PBRM1: variants seen among roughly 807,000 people sequenced by gnomAD.
The protein encoded by PBRM1 is polybromo 1.
In PBRM1, 27 loss-of-function variants were observed where a neutral mutation model predicts 194.5. That is an observed-to-expected ratio of 0.14 (90% CI 0.10 to 0.19). The LOEUF is 0.19. PBRM1 is among the 10% of genes least tolerant of loss of function. PBRM1 has a pLI of 1.00. For missense variants in PBRM1, 1,466 were observed against 2,077.2 expected, an observed-to-expected ratio of 0.71 and a Z score of 5.72; for synonymous variants, 655 against 693.2, an observed-to-expected ratio of 0.94 and a Z score of 0.87.
At chr3:52,551,787 T>C (rs2153396283) in intron 27 of PBRM1, 1 of 152,338 alleles carries the variant, frequency 6.6e-6, no homozygotes, top group Middle Eastern at 3.4e-3. Flanking sequence ...TCATAGTGTA[T>C]AGTCCCTTCG....
At chr3:52,652,810 C>G (rs1057293814) in intron 5 of PBRM1, among the ~76,000 whole-genome samples, 1 of 152,030 alleles carries the variant, frequency 6.6e-6, no homozygotes, top group Non-Finnish European at 1.5e-5. Flanking sequence ...CCAACCTGGC[C>G]AACATAGCGA....
intron 25 of PBRM1, among the ~76,000 whole-genome samples, chr3:52,559,128 T>A (rs2082854045): frequency 6.6e-6 from 1 of 152,192 alleles, no homozygotes; most frequent in Non-Finnish European, 1.5e-5. Context: ...GACAATGTAC[T>A]GAAAGAACCA....
At chr3:52,545,621 A>G (rs191534841), downstream of PBRM1, 576 of 233,124 alleles carry the variant, frequency 2.5e-3, 10 homozygotes, top group Non-Finnish European at 4.4e-4. Flanking sequence ...TTAAAAAAAA[A>G]ACAACAACCA....
At chr3:52,679,553 C>G in intron 1 of PBRM1, 21 bp downstream of exon 2, 1 of 1,604,794 alleles carries the variant, frequency 6.2e-7, no homozygotes, top group East Asian at 2.3e-5. Flanking sequence ...AGGCAGAAAC[C>G]ATGTAATCCA....
intron 26 of PBRM1, among the ~76,000 whole-genome samples, chr3:52,555,741 G>A (rs2082090748): frequency 6.6e-6 from 1 of 152,084 alleles, no homozygotes; most frequent in Non-Finnish European, 1.5e-5. Flanking sequence ...TGTGAACAGA[G>A]GCTTTTATTC....
Position 52,589,267 on chromosome 3 carries a change from A to C in PBRM1, c.2780-12T>G. 1 of 1,496,616 alleles carries C rather than the reference A, an allele frequency of 6.7e-7. No homozygotes were observed. Among genetic ancestry groups the C allele is most frequent in the Non-Finnish European group, 8.9e-7 (1 of 1,125,228 alleles). 92.7% of individuals were successfully genotyped at this position (1,496,616 alleles called of 1,614,324 possible). On this transcript the variant is annotated splice_polypyrimidine_tract_variant and intron_variant, in intron 17 of 29. Coordinates refer to ENST00000296302, the Ensembl canonical transcript of PBRM1. ...ACTCTTTTCAGCTTCTTAGGTAAAA[A>C]AATAAATAAATAAAGGAAAAAGGTA...
chr3:52,599,945 T>TA (rs528441545), intron 17 of PBRM1, among the ~76,000 whole-genome samples: 3 of 152,174 alleles, frequency 2.0e-5, no homozygotes, highest in African/African-American at 7.2e-5. Context: ...AAAATTGTGA[T>TA]AAAAAATCTA....
chr3:52,579,466 G>A (rs1382245590), intron 20 of PBRM1, among the ~76,000 whole-genome samples: 5 of 152,012 alleles, frequency 3.3e-5, no homozygotes, highest in African/African-American at 7.3e-5. Flanking sequence ...GCATGGTAGC[G>A]CATGCCTGTA....
chr3:52,601,201 T>C (rs1433024459), intron 17 of PBRM1, among the ~76,000 whole-genome samples: 1 of 152,220 alleles, frequency 6.6e-6, no homozygotes, highest in Non-Finnish European at 1.5e-5. Context: ...AATCTCTGTA[T>C]GATTCCTTCT....
upstream of PBRM1, among the ~76,000 whole-genome samples, chr3:52,681,461 C>T (rs1303225801): frequency 6.6e-6 from 1 of 152,042 alleles, no homozygotes; most frequent in Non-Finnish European, 1.5e-5. Context: ...CAAAACTTAG[C>T]CAAGTTTTGC....
chr3:52,614,907 A>G (rs554347627), intron 15 of PBRM1, among the ~76,000 whole-genome samples: 1 of 151,828 alleles, frequency 6.6e-6, no homozygotes, highest in East Asian at 1.9e-4. Flanking sequence ...CCAACCACAG[A>G]CTACACTCAA....
chr3:52,567,708 C>G (rs530262153), intron 22 of PBRM1, among the ~76,000 whole-genome samples: 1 of 151,402 alleles, frequency 6.6e-6, no homozygotes, highest in Admixed American at 6.6e-5. Flanking sequence ...CTCAGCTCAC[C>G]GCAGCCTCTG....
chr3:52,640,653 T>TC (rs1379288798), intron 10 of PBRM1, among the ~76,000 whole-genome samples: 61 of 147,418 alleles, frequency 4.1e-4, no homozygotes, highest in Admixed American at 4.0e-3. Context: ...CTCTTTTTCT[T>TC]CCCCCCAAGA....
chr3:52,614,248 A>C (rs1427841609), intron 15 of PBRM1, among the ~76,000 whole-genome samples: 3 of 151,728 alleles, frequency 2.0e-5, no homozygotes, highest in Admixed American at 6.6e-5. Context: ...GGTGGCGTAC[A>C]TCTGTAGTCC....
intron 17 of PBRM1, among the ~76,000 whole-genome samples, chr3:52,591,470 G>A (rs1217774811): frequency 6.7e-6 from 1 of 148,834 alleles, no homozygotes; most frequent in Non-Finnish European, 1.5e-5. Context: ...ATGTCAAAAA[G>A]CCTTTTCTAC....
intron 22 of PBRM1, among the ~76,000 whole-genome samples, chr3:52,571,065 C>T (rs1272687391): frequency 6.6e-6 from 1 of 152,006 alleles, no homozygotes. Context: ...TGGCTCATGC[C>T]TGTAATCTCA....
rs998525536 is a variant in PBRM1, at chr3:52,625,937, C to T, written c.1541+1336G>A. Among the ~76,000 whole-genome samples, 10 of 152,106 alleles carry T rather than the reference C, an allele frequency of 6.6e-5. 1 individual carries two copies. The highest frequency in any genetic ancestry group is 4.4e-5 in the Non-Finnish European group (3 of 68,026). ...ACTAGCCACACAGGTATGTAATTTT[C>T]GAGTATCTGGCCTGGGCTAATGCTT... On this transcript the variant is annotated intron_variant, in intron 13 of 29. Coordinates refer to ENST00000296302, the Ensembl canonical transcript of PBRM1.
chr3:52,596,623 T>C (rs79888178), intron 17 of PBRM1, among the ~76,000 whole-genome samples: 1 of 151,920 alleles, frequency 6.6e-6, no homozygotes, highest in African/African-American at 2.4e-5. Context: ...CTCAGGGGCA[T>C]GTCTAGAAAT....
chr3:52,603,801 A>C, intron 16 of PBRM1, 69 bp from the exon 19 acceptor site: 2 of 1,265,684 alleles, frequency 1.6e-6, no homozygotes, highest in Non-Finnish European at 2.2e-6. Flanking sequence ...TTATATGTTA[A>C]ATTCTATTAA....
Sources: gnomAD v4.1 joint callset for allele counts (sites outside exome capture counted in the v4.1 genomes callset) on GRCh38, gnomAD v4.1.1 for gene constraint, MANE v1.5 for transcripts, NCBI Gene and HGNC (gene_info 2026-07-23, HGNC 2026-07-21) for gene names.